DIS3: variants seen among roughly 807,000 people sequenced by gnomAD.
DIS3 encodes DIS3 exosome endoribonuclease and 3'-5' exoribonuclease, also known as exosome complex exonuclease RRP44.
DIS3 carries 103 observed loss-of-function variants against 113.0 expected under a neutral mutation model. The ratio of observed to expected loss-of-function variants is 0.91; its 90% CI spans 0.78 to 1.07. The LOEUF is 1.07. DIS3 is among the 50% of genes least tolerant of loss of function. The pLI, the probability that DIS3 is intolerant of heterozygous loss-of-function variation, is 0.00. For synonymous variants in DIS3, 402 were observed against 394.3 expected (o/e 1.02, Z -0.23); for missense variants, 1,121 against 1,167.1 (o/e 0.96, Z 0.58).
chr13:72,773,910 C>CA (rs776440315), intron 7 of DIS3, 36 bp downstream of exon 7: 4 of 1,586,820 alleles, frequency 2.5e-6, no homozygotes, highest in Admixed American at 3.7e-5. Context: ...AAATGTTTAT[C>CA]ATTTTTTTAT....
At position 72,775,930 on chromosome 13, in the gene DIS3, T is replaced by G; in HGVS notation, c.817A>C (p.Lys273Gln). Reference protein sequence around the residue: ...VWIHGDNEENKEIILQGLKHL... With the variant: ...VWIHGDNEENQEIILQGLKHL... ...GAATTTATTTATATACTTGCCTCTT[T>G]ATTTTCTTCATTGTCGCCATGAATC... Residue 273 changes from lysine (K) to glutamine (Q), a missense_variant, in exon 5 of 21, where the codon AAA becomes CAA. By Grantham distance (53) the Lys-to-Gln change is moderately conservative (BLOSUM62 1). Transcript: ENST00000377767. 6.2e-7 allele frequency: 1 copy of G among 1,601,352 alleles called. No homozygotes were observed.
rs2033431656 is a variant in DIS3 at position 72,755,407 on chromosome 13, G to T, written c.*4388C>A. The T allele has an allele frequency of 1.9e-6, 1 of 524,190 alleles. No homozygotes were observed. Among genetic ancestry groups the T allele is most frequent in the Admixed American group, 3.5e-5 (1 of 28,584 alleles). The allele number at this position is 524,190 out of a possible 1,614,324, so 32.5% of individuals were successfully genotyped here. Reference sequence around the variant, plus strand: ...AATGCTCCTGGAACTTCAAGTTGCTGAATTATAAGTTTATTTTTTATCAAT... The same window carrying T: ...AATGCTCCTGGAACTTCAAGTTGCTTAATTATAAGTTTATTTTTTATCAAT... On this transcript the variant is annotated 3_prime_UTR_variant, in exon 21 of 21. Transcript: ENST00000377767.
In DIS3 at chr13:72,776,058, T is replaced by G. The variant is rs767412226; in HGVS notation, c.689A>C (p.Glu230Ala). Residue 230 changes from glutamate to alanine, a missense_variant, in exon 5 of 21, where the codon GAG becomes GCG. Physicochemically the swap from Glu to Ala is moderately radical, Grantham distance 107. Around this residue, in one of 3 missense-constraint regions of DIS3, gnomAD observed 861 missense variants for 915.5 expected, o/e 0.94. Transcript: ENST00000377767. ...CTGTAGCTTACTTAAGGGAAGATGC[T>G]CTGAAAATATTATTTTTCCACTTTC... ...EIESGKIIFS[E>A]HLPLSKLQQG... 2 of 1,597,640 alleles carry G rather than the reference T, an allele frequency of 1.3e-6. No homozygotes were observed. Among genetic ancestry groups the G allele is most frequent in the Non-Finnish European group, 8.5e-7 (1 of 1,175,818 alleles).
At position 72,772,685 on chromosome 13, in the gene DIS3, C is replaced by G. The variant is rs1270178339; in HGVS notation, c.1386+8G>C. ...TTATAAAGTCACTACAAATTACTTT[C>G]AACTTACCTTTTCAGTAATGCTCCA... On this transcript the variant is annotated splice_region_variant and intron_variant, in intron 9 of 20. Coordinates refer to ENST00000377767, the MANE Select transcript of DIS3 (RefSeq NM_014953.5). 6.3e-7 allele frequency: 1 copy of G among 1,596,392 alleles called. No homozygotes were observed. Among genetic ancestry groups the G allele is most frequent in the Non-Finnish European group, 8.5e-7 (1 of 1,175,304 alleles).
chr13:72,773,909 T>C (rs779464214), intron 7 of DIS3, 37 bp downstream of exon 7: 1 of 1,586,854 alleles, frequency 6.3e-7, no homozygotes, highest in Admixed American at 1.9e-5. Context: ...TAAATGTTTA[T>C]CATTTTTTTA....
At chr13:72,781,024 A>T (rs746647069) in intron 1 of DIS3, 21 bp from the exon 2 acceptor site, 2 of 1,583,086 alleles carry the variant, frequency 1.3e-6, no homozygotes, top group East Asian at 2.2e-5. Context: ...GATAAAGTTA[A>T]TTTTTCCTAT....
chr13:72,762,396 C>A (rs757144860), intron 16 of DIS3, among the ~76,000 whole-genome samples: 9 of 152,056 alleles, frequency 5.9e-5, no homozygotes, highest in Non-Finnish European at 1.2e-4. Context: ...TCTCTTAGGT[C>A]TTTGGAAGAA....
At chr13:72,761,623 C>T in intron 18 of DIS3, 23 bp downstream of exon 18, 1 of 1,556,612 alleles carries the variant, frequency 6.4e-7, no homozygotes, top group South Asian at 1.2e-5. Flanking sequence ...TTTTTTCTAG[C>T]AGTATCGACA....
At chr13:72,771,966 A>G in intron 10 of DIS3, 70 bp from the exon 11 acceptor site, 1 of 1,515,758 alleles carries the variant, frequency 6.6e-7, no homozygotes, top group Non-Finnish European at 9.0e-7. Context: ...GAGTTTTAAT[A>G]AGATAAAGTT....
intron 8 of DIS3, 25 bp downstream of exon 8, chr13:72,773,659 C>T: frequency 6.3e-7 from 1 of 1,590,508 alleles, no homozygotes; most frequent in South Asian, 1.2e-5. Flanking sequence ...AACATCCCCA[C>T]ATAAAATTAA....
At chr13:72,779,306 C>G (rs1252880757) in intron 2 of DIS3, among the ~76,000 whole-genome samples, 1 of 151,950 alleles carries the variant, frequency 6.6e-6, no homozygotes, top group African/African-American at 2.4e-5. Flanking sequence ...TTTTAAGAGA[C>G]AGGGATTTTC....
chr13:72,768,931 G>T lies in DIS3; in HGVS notation c.1756-19C>A. 6.6e-7 allele frequency: 1 copy of T among 1,523,040 alleles called. No homozygotes were observed. Among genetic ancestry groups the T allele is most frequent in the Non-Finnish European group, 9.0e-7 (1 of 1,109,380 alleles). 94.3% of individuals were successfully genotyped at this position (1,523,040 alleles called of 1,614,324 possible). On this transcript the variant is annotated intron_variant, in intron 13 of 20. Coordinates refer to ENST00000377767, the MANE Select transcript of DIS3 (RefSeq NM_014953.5). ...GAGATGCCTAAAAAAGAAAATGTAT[G>T]TTATATAATTCTTATAAATGATAGA...
intron 8 of DIS3, 49 bp downstream of exon 8, chr13:72,773,635 C>T (rs762033609): frequency 1.3e-6 from 2 of 1,562,690 alleles, no homozygotes; most frequent in South Asian, 2.4e-5. Flanking sequence ...ATACTATTCA[C>T]AAAATTTTAA....
At chr13:72,780,527 T>A (rs1477096239) in intron 2 of DIS3, among the ~76,000 whole-genome samples, 3 of 152,086 alleles carry the variant, frequency 2.0e-5, no homozygotes, top group Non-Finnish European at 4.4e-5. Flanking sequence ...TTCCAGGAAC[T>A]TAAGCAAATC....
chr13:72,773,712 C>T lies in DIS3; in HGVS notation c.1211G>A (p.Gly404Asp), dbSNP rs761992679. The T allele has an allele frequency of 1.4e-5, 22 of 1,611,614 alleles. No homozygotes were observed. Among genetic ancestry groups the T allele is most frequent in the Admixed American group, 5.0e-5 (3 of 59,506 alleles). ...TGGATATCTGGAATTTCTGGGCCAA[C>T]CATCAATAGCAACAATAATTCTCCG... is the stretch of plus-strand genomic sequence containing the variant. The part of the protein sequence containing the change: ...EGRRIIVAID[G>D]WPRNSRYPNG... Residue 404 changes from glycine (G) to aspartate (D), a missense_variant, in exon 8 of 21, where the codon GGT (glycine) becomes GAT (aspartate). Physicochemically the swap from Gly to Asp is moderately conservative, Grantham distance 94. Around this residue, in one of 3 missense-constraint regions of DIS3, gnomAD observed 861 missense variants for 915.5 expected, o/e 0.94. Transcript: ENST00000377767.
intron 2 of DIS3, among the ~76,000 whole-genome samples, chr13:72,780,421 T>C (rs149719054): frequency 6.6e-6 from 1 of 151,640 alleles, no homozygotes; most frequent in African/African-American, 2.4e-5. Context: ...AAAAAGACCA[T>C]TAAGAATAAA....
chr13:72,772,124 T>C, intron 10 of DIS3, 35 bp downstream of exon 10: 1 of 1,527,238 alleles, frequency 6.5e-7, no homozygotes, highest in Non-Finnish European at 9.0e-7. Context: ...AGAACAGAAC[T>C]ATATTTAGGT....
intron 11 of DIS3, 139 bp from the exon 12 acceptor site, chr13:72,771,284 G>A: frequency 2.9e-6 from 2 of 687,378 alleles, no homozygotes; most frequent in East Asian, 2.9e-5. Context: ...ATTGAGAAAA[G>A]GTCAAATAAA....
At chr13:72,772,027 A>G in intron 10 of DIS3, 131 bp from the exon 11 acceptor site, 1 of 1,209,376 alleles carries the variant, frequency 8.3e-7, no homozygotes, top group South Asian at 1.4e-5. Flanking sequence ...AACTTCTGAC[A>G]TATGGCCAAT....
Sources: gnomAD v4.1 joint callset for allele counts (sites outside exome capture counted in the v4.1 genomes callset) on GRCh38, gnomAD v4.1.1 for gene constraint, gnomAD v4.1.1 regional missense constraint, MANE v1.5 for transcripts, NCBI Gene and HGNC (gene_info 2026-07-23, HGNC 2026-07-21) for gene names.